The following SLC38A8 variants were observed in gnomAD, a reference collection of about 807,000 sequenced individuals.
SLC38A8 encodes amino acid transporter SLC38A8.
In SLC38A8, 65 loss-of-function variants were observed where a neutral mutation model predicts 46.0. That is an observed-to-expected ratio of 1.41 (90% confidence interval 1.16 to 1.74). The LOEUF (loss-of-function observed/expected upper bound fraction) is 1.74, where lower values mean the gene tolerates loss of function less well. Ranked by LOEUF, SLC38A8 falls within the 40% of genes most tolerant of loss-of-function variation. The pLI, the probability that SLC38A8 is intolerant of heterozygous loss-of-function variation, is 0.00. For synonymous variants in SLC38A8, 447 were observed against 243.7 expected (o/e 1.83, Z -7.77); for missense variants, 998 against 567.9 (o/e 1.76, Z -7.70).
intron 9 of SLC38A8, among the ~76,000 whole-genome samples, chr16:84,014,134 G>C (rs1001449683): frequency 5.3e-5 from 8 of 150,990 alleles, no homozygotes; most frequent in South Asian, 2.1e-4. Flanking sequence ...CCTCCTCTCA[G>C]AGCCTGAGGG....
chr16:84,021,208 G>A (rs2052095907), intron 7 of SLC38A8, among the ~76,000 whole-genome samples: 1 of 152,106 alleles, frequency 6.6e-6, no homozygotes, highest in African/African-American at 2.4e-5. Flanking sequence ...GATTACAGGT[G>A]CCCCGCCACC....
At chr16:84,018,377 C>CTGTA (rs2151115405) in intron 7 of SLC38A8, among the ~76,000 whole-genome samples, 1 of 151,924 alleles carries the variant, frequency 6.6e-6, no homozygotes, top group South Asian at 2.1e-4. Flanking sequence ...GGACTACAGA[C>CTGTA]GCCCGCCACA....
chr16:84,037,694 GACGT>G (rs1320932686), intron 2 of SLC38A8, among the ~76,000 whole-genome samples: 2 of 151,754 alleles, frequency 1.3e-5, no homozygotes, highest in Non-Finnish European at 2.9e-5. Context: ...CTGGGAGGCG[GACGT>G]TGCAGTGAGC....
chr16:84,016,601 G>C lies in SLC38A8; in HGVS notation c.1080C>G (p.Ala360=), dbSNP rs745409652. The part of the protein sequence containing the change: ...LTILWVTVTL[A]MALFMPDLSE... ...TGAGGTCAGGCATAAACAGCGCCAT[G>C]GCGAGCGTCACGGTGACCCACAGGA... The change falls in exon 9 of 11, where the codon GCC becomes GCG. Residue 360 remains alanine (A), a synonymous_variant. Coordinates refer to ENST00000299709, the MANE Select transcript of SLC38A8 (RefSeq NM_001080442.3). 8 of 1,614,008 alleles carry C rather than the reference G, an allele frequency of 5.0e-6. No individual in the cohort carries two copies. The highest frequency in any genetic ancestry group is 6.8e-6 in the Non-Finnish European group (8 of 1,180,034).
In SLC38A8 at chr16:84,013,422, G is replaced by GTTTTT. The variant is rs369454720; in HGVS notation, c.1163-371_1163-370insAAAAA. Among the ~76,000 whole-genome samples, 426 of 108,602 alleles carry GTTTTT rather than the reference G, an allele frequency of 3.9e-3. 15 individuals carry two copies. The highest frequency in any genetic ancestry group is 0.011 in the African/African-American group (273 of 24,470). 71.2% of individuals were successfully genotyped at this position (108,602 alleles called of 152,430 possible). ...ACCATTACTTTCTTTTGTTGTGTGT[G>GTTTTT]TGTTTTTTTTTTTTTTTTTTTTTTT... On this transcript the variant is annotated intron_variant, in intron 9 of 10. Transcript: ENST00000299709.
intron 6 of SLC38A8, among the ~76,000 whole-genome samples, chr16:84,024,325 G>A (rs931262415): frequency 6.6e-6 from 1 of 152,278 alleles, no homozygotes; most frequent in East Asian, 1.9e-4. Context: ...TACTGTATAT[G>A]TGACATGCCA....
chr16:84,027,445 C>T (rs12922255), intron 6 of SLC38A8, among the ~76,000 whole-genome samples: 32,606 of 152,210 alleles, frequency 0.21, 4,574 homozygotes, highest in Non-Finnish European at 0.32. Context: ...AACCCCTCTG[C>T]TCCTGAGGCC....
Position 84,042,015 on chromosome 16 carries a change from G to A in SLC38A8, c.143C>T (p.Ala48Val), listed in dbSNP as rs200842005. ...LGAGLLNFPW[A>V]FSKAGGVVPA... is the part of the protein sequence containing the mutation. ...GACCACTCCGCCCGCTTTGGAGAAG[G>A]CCCAGGGGAAGTTGAGCAGGCCAGC... Residue 48 changes from alanine (A) to valine (V), a missense_variant, in exon 2 of 11, where the codon GCC (alanine) becomes GTC (valine). Coordinates refer to ENST00000299709, the MANE Select transcript of SLC38A8 (RefSeq NM_001080442.3). 9 of 1,612,982 alleles carry A rather than the reference G, an allele frequency of 5.6e-6. No homozygotes were observed. The highest frequency in any genetic ancestry group is 6.8e-6 in the Non-Finnish European group (8 of 1,179,564).
chr16:84,015,397 A>AG (rs1258458711), intron 9 of SLC38A8, among the ~76,000 whole-genome samples: 1 of 152,074 alleles, frequency 6.6e-6, no homozygotes, highest in Non-Finnish European at 1.5e-5. Flanking sequence ...GTTTGCCTCC[A>AG]GGGCCTGGAG....
At chr16:84,036,378 A>C (rs554575197) in intron 3 of SLC38A8, among the ~76,000 whole-genome samples, 3 of 152,230 alleles carry the variant, frequency 2.0e-5, no homozygotes, top group Non-Finnish European at 4.4e-5. Context: ...TTCCAAAGCT[A>C]AAGGTGTTAC....
rs1366592753 is a variant in SLC38A8 at position 84,031,867 on chromosome 16, C to G, written c.632G>C (p.Ser211Thr). Residue 211 changes from serine to threonine, a missense_variant and splice_region_variant, in exon 5 of 11, where the codon AGC (serine) becomes ACC (threonine). By Grantham distance (58) the Ser-to-Thr change is moderately conservative. Transcript: ENST00000299709. ...GLVRESHPSL[S>T]PASWTSVFSV... ...CCGGAAGCTGTTCCCTCAGACTTAC[C>G]TCAGTGAAGGATGGGACTCACGCAC... 5 of 1,613,812 alleles carry G rather than the reference C, an allele frequency of 3.1e-6. No individual in the cohort carries two copies. The highest frequency in any genetic ancestry group is 1.3e-5 in the African/African-American group (1 of 74,942).
rs530927923 is a variant in SLC38A8 at position 84,017,193 on chromosome 16, G to T, written c.900C>A (p.Val300=). The change falls in exon 8 of 11, where the codon GTC becomes GTA. Residue 300 remains valine (V), a synonymous_variant. Transcript: ENST00000299709. ...CAGTTACGATGGAGACAGCAAAAAGGACCCGGGCCACAATGATGACCATAT... is the reference window on the plus strand; with the variant it reads ...CAGTTACGATGGAGACAGCAAAAAGTACCCGGGCCACAATGATGACCATAT... ...GNDMVIIVAR[V]LFAVSIVTVY... 5 of 1,614,124 alleles carry T rather than the reference G, an allele frequency of 3.1e-6. No homozygotes were observed. The South Asian group carries it at 4.4e-5, about 14-fold the overall frequency.
intron 9 of SLC38A8, among the ~76,000 whole-genome samples, chr16:84,015,850 CA>C (rs2085018880): frequency 6.6e-6 from 1 of 152,190 alleles, no homozygotes; most frequent in South Asian, 2.1e-4. Flanking sequence ...TGATTACAGG[CA>C]TACACCACCA....
intron 7 of SLC38A8, among the ~76,000 whole-genome samples, chr16:84,019,887 G>C (rs1158875483): frequency 2.6e-5 from 4 of 152,258 alleles, no homozygotes; most frequent in Non-Finnish European, 2.9e-5. Flanking sequence ...AGGATCATCT[G>C]TTTTGACACC....
intron 5 of SLC38A8, among the ~76,000 whole-genome samples, chr16:84,030,874 T>TG (rs74734302): frequency 0.15 from 23,055 of 152,018 alleles, 2,232 homozygotes; most frequent in East Asian, 0.26. Flanking sequence ...GCCCTGCCAC[T>TG]GGGAAATCCG....
intron 3 of SLC38A8, 102 bp from the exon 4 acceptor site, chr16:84,033,571 T>G: frequency 7.4e-7 from 1 of 1,352,904 alleles, no homozygotes; most frequent in South Asian, 1.5e-5. Flanking sequence ...ACATCCACCC[T>G]CAGCCAGCCC....
At position 84,041,595 on chromosome 16, in the gene SLC38A8, G is replaced by A. The variant is rs570124876; in HGVS notation, c.189+374C>T. On this transcript the variant is annotated intron_variant, in intron 2 of 10. Transcript: ENST00000299709. ...CCCAAAGGGCTGCGATTATAGGCAC[G>A]AGCCACCGTGCCCGGCCCAGCTTTA... 6.7e-4 allele frequency among the ~76,000 whole-genome samples: 102 copies of A among 152,268 alleles called. 1 individual carries two copies. The highest frequency in any genetic ancestry group is 1.2e-3 in the Non-Finnish European group (85 of 68,030).
chr16:84,010,809 C>A (rs887825657), intron 10 of SLC38A8, among the ~76,000 whole-genome samples: 1 of 152,268 alleles, frequency 6.6e-6, no homozygotes, highest in Non-Finnish European at 1.5e-5. Flanking sequence ...CCCTCCCTTT[C>A]TGTTCCTCAG....
chr16:84,031,932 C>G lies in SLC38A8; in HGVS notation c.567G>C (p.Leu189=). Residue 189 remains leucine, a synonymous_variant, in exon 5 of 11, where the codon CTG becomes CTC. Transcript: ENST00000299709. ...AGAGGTAGTACTGCACGGTGATGACCAGGGCCAGGTAACAGGCAGCCAGAG... is the reference window on the plus strand; with the variant it reads ...AGAGGTAGTACTGCACGGTGATGACGAGGGCCAGGTAACAGGCAGCCAGAG... The part of the protein sequence containing the change: ...LGTLAACYLA[L]VITVQYYLWP... The G allele has an allele frequency of 2.5e-6, 4 of 1,614,224 alleles. No homozygotes were observed. The highest frequency in any genetic ancestry group is 3.4e-6 in the Non-Finnish European group (4 of 1,180,038).
Sources: allele counts gnomAD v4.1 joint callset (sites outside exome capture counted in the v4.1 genomes callset), GRCh38; gene constraint gnomAD v4.1.1; transcripts MANE v1.5; gene names NCBI Gene and HGNC (gene_info 2026-07-23, HGNC 2026-07-21).